The following PSMD1 variants were observed in gnomAD, a reference collection of about 807,000 sequenced individuals.
PSMD1 encodes proteasome 26S subunit, non-ATPase 1.
In PSMD1, 18 loss-of-function variants were observed where a neutral mutation model predicts 119.0. The ratio of observed to expected loss-of-function variants is 0.15; its 90% CI spans 0.10 to 0.22. PSMD1 has a LOEUF of 0.22. Among genes scored for constraint, PSMD1 ranks in the 10% least tolerant of loss-of-function variants. PSMD1 has a pLI of 1.00. For synonymous variants in PSMD1, 374 were observed against 396.6 expected (o/e 0.94, Z 0.68); for missense variants, 702 against 1,158.5 (o/e 0.61, Z 5.72).
chr2:231,150,779 C>T (rs1036183401), intron 18 of PSMD1, among the ~76,000 whole-genome samples: 1 of 152,028 alleles, frequency 6.6e-6, no homozygotes, highest in African/African-American at 2.4e-5. Context: ...TATTTGAAGT[C>T]ATAAGCACAA....
intron 5 of PSMD1, among the ~76,000 whole-genome samples, chr2:231,068,321 T>C (rs977977051): frequency 6.6e-6 from 1 of 152,244 alleles, no homozygotes; most frequent in Admixed American, 6.5e-5. Context: ...ATAATGGCCC[T>C]TGTTTCCCTC....
intron 13 of PSMD1, 103 bp from the exon 14 acceptor site, chr2:231,083,464 A>G (rs906879): frequency 0.38 from 463,637 of 1,227,826 alleles, 98,202 homozygotes; most frequent in African/African-American, 0.81. Flanking sequence ...GAAGCTAATG[A>G]TTTTTTTGAT....
chr2:231,057,324 C>G (rs1693623297), intron 1 of PSMD1, among the ~76,000 whole-genome samples: 1 of 152,182 alleles, frequency 6.6e-6, no homozygotes, highest in Non-Finnish European at 1.5e-5. Context: ...CCCCTGACCC[C>G]AGAAGGGCTT....
intron 16 of PSMD1, among the ~76,000 whole-genome samples, chr2:231,122,439 TA>T (rs1695578320): frequency 2.0e-5 from 3 of 152,142 alleles, no homozygotes. Flanking sequence ...TTTATCTTCA[TA>T]TAAGTAAATA....
intron 16 of PSMD1, among the ~76,000 whole-genome samples, chr2:231,115,581 T>G (rs1695302449): frequency 6.6e-6 from 1 of 152,108 alleles, no homozygotes; most frequent in African/African-American, 2.4e-5. Flanking sequence ...AAACTTTGCC[T>G]GCTTGTTGAA....
At position 231,170,586 on chromosome 2, in the gene PSMD1, C is replaced by T. The variant is rs1696890285; in HGVS notation, c.2736C>T (p.Ile912=). The change falls in exon 24 of 25, where the codon ATC becomes ATT. Residue 912 remains isoleucine, a synonymous_variant. Transcript: ENST00000308696. The surrounding 1 kb of genome is among the most constrained non-coding windows in gnomAD (Gnocchi z 4.1). ...TCCAGCTCTCTATTGGAGGCATCATCATTCTGAAGGATACCAGTGAAGACA... is the reference window on the plus strand; with the variant it reads ...TCCAGCTCTCTATTGGAGGCATCATTATTCTGAAGGATACCAGTGAAGACA... ...PFKPLSIGGI[I]ILKDTSEDIE... The T allele has an allele frequency of 1.2e-6, 2 of 1,613,486 alleles. No homozygotes were observed.
chr2:231,165,037 TATA>T (rs1696735647), intron 21 of PSMD1, 160 bp from the exon 22 acceptor site: 169 of 7,980 alleles, frequency 0.021, 7 homozygotes, highest in Middle Eastern at 0.071. Context: ...TATATATTTA[TATA>T]TATATATATA....
In PSMD1 at chr2:231,057,985, A is replaced by C. The variant is rs182164068; in HGVS notation, c.16+944A>C. Among the ~76,000 whole-genome samples, 427 of 152,364 alleles carry C rather than the reference A, an allele frequency of 2.8e-3. 2 individuals are homozygous for C. The highest frequency in any genetic ancestry group is 4.0e-3 in the Non-Finnish European group (272 of 68,040). On this transcript the variant is annotated intron_variant, in intron 1 of 24. Transcript: ENST00000308696. Reference sequence around the variant, plus strand: ...TGGTGAGCAGAAGACAGTAATCTGAATGGTAAGGCGATCAAAACTTTATTT... The same window carrying C: ...TGGTGAGCAGAAGACAGTAATCTGACTGGTAAGGCGATCAAAACTTTATTT...
At chr2:231,158,253 T>C (rs573441626) in intron 19 of PSMD1, among the ~76,000 whole-genome samples, 2 of 152,126 alleles carry the variant, frequency 1.3e-5, no homozygotes, top group African/African-American at 4.8e-5. Context: ...AAGGTTGCAG[T>C]GAGCTGAGAT....
At chr2:231,165,368 T>C (rs1385846761) in intron 22 of PSMD1, 82 bp downstream of exon 22, 1 of 1,376,168 alleles carries the variant, frequency 7.3e-7, no homozygotes, top group Non-Finnish European at 9.6e-7. Context: ...TGAATATTAT[T>C]CTACCTTGCT....
At chr2:231,149,397 G>GAT (rs777479736) in intron 18 of PSMD1, among the ~76,000 whole-genome samples, 4 of 152,136 alleles carry the variant, frequency 2.6e-5, no homozygotes, top group Non-Finnish European at 4.4e-5. Context: ...TGGGCACAGT[G>GAT]GCTGAGGCAG....
intron 16 of PSMD1, among the ~76,000 whole-genome samples, chr2:231,106,550 G>A (rs561923084): frequency 3.9e-5 from 6 of 152,054 alleles, no homozygotes; most frequent in Admixed American, 1.3e-4. Flanking sequence ...GTCAGGAGGC[G>A]GAGGTTGCAG....
intron 16 of PSMD1, among the ~76,000 whole-genome samples, chr2:231,106,749 G>C (rs1694986726): frequency 6.6e-6 from 1 of 152,140 alleles, no homozygotes; most frequent in Non-Finnish European, 1.5e-5. Flanking sequence ...GCAGTACAAA[G>C]CATGTGAGAA....
rs1029723296 is a variant in PSMD1 at position 231,117,571 on chromosome 2, A to G, written c.1884-21165A>G. Among the ~76,000 whole-genome samples the G allele has an allele frequency of 2.6e-5, 4 of 152,172 alleles. No individual in the cohort carries two copies. In the East Asian group the frequency reaches 7.7e-4, roughly 29 times the overall value. ...CTTATAGACAATTGTTTAATTATCT[A>G]AAGAATATCAGTAGCACAAATATTT... On this transcript the variant is annotated intron_variant, in intron 16 of 24. Coordinates refer to ENST00000308696, the MANE Select transcript of PSMD1 (RefSeq NM_002807.4).
chr2:231,103,467 C>A (rs1395379061), intron 16 of PSMD1, among the ~76,000 whole-genome samples: 1 of 152,162 alleles, frequency 6.6e-6, no homozygotes, highest in Non-Finnish European at 1.5e-5. Context: ...TTCTTCGAGG[C>A]CTCTTCTGAG....
intron 16 of PSMD1, among the ~76,000 whole-genome samples, chr2:231,102,795 C>T (rs936067956): frequency 9.2e-5 from 14 of 151,954 alleles, no homozygotes; most frequent in South Asian, 2.1e-4. Context: ...TATTAGTGGG[C>T]CCACACAGTT....
In PSMD1 at chr2:231,066,995, G is replaced by A. The variant is rs1693923790; in HGVS notation, c.394G>A (p.Gly132Ser). The change falls in exon 5 of 25, where the codon GGC (glycine) becomes AGC (serine). Residue 132 changes from glycine (G) to serine (S), a missense_variant. Coordinates refer to ENST00000308696, the MANE Select transcript of PSMD1 (RefSeq NM_002807.4). The stretch of plus-strand genomic sequence containing the variant: ...AAAACCAATTGACCAGAGATTGGAA[G>A]GCATCGTAAATAAAATGTTCCAGCG... ...EKKPIDQRLE[G>S]IVNKMFQRCL... The A allele has an allele frequency of 6.2e-7, 1 of 1,613,578 alleles. No individual in the cohort carries two copies. Among genetic ancestry groups the A allele is most frequent in the Non-Finnish European group, 8.5e-7 (1 of 1,179,804 alleles).
intron 16 of PSMD1, among the ~76,000 whole-genome samples, chr2:231,095,671 A>C (rs1694706084): frequency 6.6e-6 from 1 of 152,160 alleles, no homozygotes; most frequent in African/African-American, 2.4e-5. Context: ...GGTAAATGCA[A>C]ATTTTTCTCT....
intron 15 of PSMD1, among the ~76,000 whole-genome samples, chr2:231,085,735 G>A (rs1694416688): frequency 6.7e-6 from 1 of 149,432 alleles, no homozygotes; most frequent in South Asian, 2.1e-4. Flanking sequence ...TTTCCAAAAG[G>A]CTTTCCACTC....
Sources: allele counts gnomAD v4.1 joint callset (sites outside exome capture counted in the v4.1 genomes callset), GRCh38; gene constraint gnomAD v4.1.1; non-coding constraint Gnocchi (gnomAD v3.1); transcripts MANE v1.5; gene names NCBI Gene and HGNC (gene_info 2026-07-23, HGNC 2026-07-21).